NBPF9: variants seen among roughly 807,000 people sequenced by gnomAD.
NBPF9 encodes NBPF member 9.
Under a neutral mutation model 97.8 loss-of-function variants are expected in NBPF9, and 91 were observed. The ratio of observed to expected loss-of-function variants is 0.93; its 90% CI spans 0.79 to 1.11. The LOEUF (loss-of-function observed/expected upper bound fraction) is 1.11. Ranked by LOEUF, NBPF9 falls within the 50% of genes least tolerant of loss-of-function variation. The pLI, the probability that NBPF9 is intolerant of heterozygous loss-of-function variation, is 0.00. For synonymous variants in NBPF9, 334 were observed against 359.5 expected (o/e 0.93, Z 0.80); for missense variants, 992 against 939.5 (o/e 1.06, Z -0.73).
At chr1:149,095,616 C>A (rs1553661247) in intron 4 of NBPF9, among the ~76,000 whole-genome samples, 5 of 84,280 alleles carry the variant, frequency 5.9e-5, no homozygotes, top group African/African-American at 2.0e-4. Flanking sequence ...AACTAAACAA[C>A]ACAAAGCAAA....
Position 149,060,045 on chromosome 1 carries a change from G to A in NBPF9, c.2477-237C>T, listed in dbSNP as rs1405303230. 10 of 344,518 alleles carry A rather than the reference G, an allele frequency of 2.9e-5. 2 individuals carry two copies. Among genetic ancestry groups the A allele is most frequent in the Non-Finnish European group, 5.3e-5 (10 of 189,500 alleles). The allele number at this position is 344,518 out of a possible 1,614,324, so 21.3% of individuals were successfully genotyped here. On this transcript the variant is annotated intron_variant, in intron 24 of 29. Coordinates refer to ENST00000584027, the Ensembl canonical transcript of NBPF9. Reference sequence around the variant, plus strand: ...GTAGATCGTTATCCCAATATCATTGGTCCCAAATTTGTGCAAACAGTTATG... The same window carrying A: ...GTAGATCGTTATCCCAATATCATTGATCCCAAATTTGTGCAAACAGTTATG...
At chr1:149,069,973 A>C (rs1553652574) in intron 16 of NBPF9, among the ~76,000 whole-genome samples, 2 of 134,224 alleles carry the variant, frequency 1.5e-5, no homozygotes, top group Admixed American at 1.5e-4. Context: ...ATACGGACTT[A>C]TATCACCAGG....
intron 5 of NBPF9, chr1:149,090,214 T>C (rs1349668593): frequency 2.0e-5 from 3 of 152,322 alleles, no homozygotes; most frequent in South Asian, 2.1e-4. Context: ...CCTCCAAATG[T>C]TCCTTTGGCT....
At position 149,082,159 on chromosome 1, in the gene NBPF9, G is replaced by T. The variant is rs2080524716; in HGVS notation, c.-20C>A. 3.1e-6 allele frequency: 5 copies of T among 1,611,990 alleles called. No individual in the cohort carries two copies. The African/African-American group carries it at 5.3e-5, about 17-fold the overall frequency. On this transcript the variant is annotated 5_prime_UTR_variant, in exon 7 of 30. Transcript: ENST00000584027. ...CACCATGCTGACGTTTGTGGCAGAAGAGGTGGGGCCAGGGACTGGGGAGAA... is the reference window on the plus strand; with the variant it reads ...CACCATGCTGACGTTTGTGGCAGAATAGGTGGGGCCAGGGACTGGGGAGAA...
At chr1:149,076,941 T>C (rs1177729234) in intron 11 of NBPF9, among the ~76,000 whole-genome samples, 6 of 150,426 alleles carry the variant, frequency 4.0e-5, no homozygotes, top group African/African-American at 4.9e-5. Context: ...ACTATAGGCA[T>C]GCAGCACCAT....
intron 19 of NBPF9, 60 bp downstream of exon 19, chr1:149,064,371 T>C: frequency 1.3e-6 from 1 of 793,710 alleles, no homozygotes; most frequent in Non-Finnish European, 2.2e-6. Context: ...CTGTTTTCCC[T>C]GGACTTGGCA....
At chr1:149,063,424 C>T (rs1553650635) in intron 20 of NBPF9, among the ~76,000 whole-genome samples, 1 of 141,552 alleles carries the variant, frequency 7.1e-6, no homozygotes, top group Admixed American at 7.0e-5. Context: ...ACAGGCATGG[C>T]CTGAGACTAG....
intron 5 of NBPF9, among the ~76,000 whole-genome samples, chr1:149,082,794 T>C (rs2080598884): frequency 6.7e-6 from 1 of 149,286 alleles, no homozygotes; most frequent in East Asian, 2.0e-4. Context: ...TTTTTTTTTT[T>C]TTTGAGACAG....
chr1:149,084,065 G>A (rs1214821610), intron 5 of NBPF9, among the ~76,000 whole-genome samples: 6 of 151,004 alleles, frequency 4.0e-5, no homozygotes, highest in Non-Finnish European at 7.4e-5. Context: ...AAGCGGCGGT[G>A]CGAGCATGTT....
intron 5 of NBPF9, among the ~76,000 whole-genome samples, chr1:149,085,675 G>T (rs1559540134): frequency 1.3e-5 from 2 of 151,820 alleles, no homozygotes; most frequent in Non-Finnish European, 1.5e-5. Context: ...AATGATTCTG[G>T]CTATTAATCT....
At chr1:149,064,834 C>T (rs2078926819) in intron 18 of NBPF9, 2 of 546,822 alleles carry the variant, frequency 3.7e-6, no homozygotes, top group Non-Finnish European at 6.5e-6. Flanking sequence ...TCATCAAATA[C>T]CCAGAATTTG....
At position 149,062,890 on chromosome 1, in the gene NBPF9, C is replaced by T. The variant is rs1553650489; in HGVS notation, c.2050G>A (p.Glu684Lys). Residue 684 changes from glutamate to lysine, a missense_variant, in exon 21 of 30, where the codon GAA becomes AAA. Around this residue, in one of 11 missense-constraint regions of NBPF9, gnomAD observed 397 missense variants for 213.6 expected, o/e 1.86. Transcript: ENST00000584027. ...GGGCATGATGGGTCTTGGTCTTCTT[C>T]CACTTCTTGGTACTTTTCAATTTCT... The T allele has an allele frequency of 2.5e-6, 2 of 785,948 alleles. 1 individual carries two copies. The highest frequency in any genetic ancestry group is 2.7e-5 in the South Asian group (2 of 74,112). The allele number at this position is 785,948 out of a possible 1,614,324, so 48.7% of individuals were successfully genotyped here. A position where few individuals can be genotyped will look rare whatever the true frequency, so the allele number is the denominator to read the frequency against.
At chr1:149,103,067 C>A (rs1424042524) in intron 1 of NBPF9, among the ~76,000 whole-genome samples, 1 of 152,004 alleles carries the variant, frequency 6.6e-6, no homozygotes, top group African/African-American at 2.4e-5. Context: ...CACCCGCCAG[C>A]GAGTTTCTTC....
chr1:149,087,329 A>G (rs1393400273), intron 5 of NBPF9, among the ~76,000 whole-genome samples: 16 of 148,264 alleles, frequency 1.1e-4, no homozygotes, highest in Admixed American at 6.0e-4. Context: ...ATATATATAT[A>G]TATACACACA....
exon 30 of NBPF9, chr1:149,054,687 GACA>G (rs1553648304): frequency 2.7e-5 from 4 of 148,516 alleles, no homozygotes; most frequent in Non-Finnish European, 6.0e-5. Flanking sequence ...CACCATCCAT[GACA>G]ACAACAAAAA....
chr1:149,072,698 A>T lies in NBPF9; in HGVS notation c.1306+20T>A. 6.2e-7 allele frequency: 1 copy of T among 1,611,702 alleles called. No individual in the cohort carries two copies. The highest frequency in any genetic ancestry group is 8.5e-7 in the Non-Finnish European group (1 of 1,179,570). ...CATAAGCCTGGGGTTTTGGGTCAAC[A>T]GGGCCTATGGCCACCTTACCTGGGC... On this transcript the variant is annotated intron_variant, in intron 14 of 29. Transcript: ENST00000584027.
At chr1:149,071,764 T>C (rs797025345) in intron 14 of NBPF9, 88 bp from the exon 15 acceptor site, 14 of 748,226 alleles carry the variant, frequency 1.9e-5, no homozygotes, top group Non-Finnish European at 2.9e-5. Context: ...GACATGAACA[T>C]CTAGGCATGG....
intron 11 of NBPF9, among the ~76,000 whole-genome samples, chr1:149,076,724 G>A (rs1323419752): frequency 6.8e-6 from 1 of 147,704 alleles, no homozygotes; most frequent in Admixed American, 6.8e-5. Context: ...TAGCCAGGAT[G>A]GTCTCAATCT....
chr1:149,074,478 T>C (rs1383805741), intron 12 of NBPF9, among the ~76,000 whole-genome samples: 1 of 151,536 alleles, frequency 6.6e-6, no homozygotes, highest in Non-Finnish European at 1.5e-5. Flanking sequence ...AATGAAGAAC[T>C]AATAGATAGT....
Sources: gnomAD v4.1 joint callset for allele counts (sites outside exome capture counted in the v4.1 genomes callset) on GRCh38, gnomAD v4.1.1 for gene constraint, gnomAD v4.1.1 regional missense constraint, MANE v1.5 for transcripts, NCBI Gene and HGNC (gene_info 2026-07-23, HGNC 2026-07-21) for gene names.